Variants in SLC41A3 observed in about 807,000 individuals in gnomAD.
SLC41A3 encodes SLC41A1-like 2.
In SLC41A3, 44 loss-of-function variants were observed where a neutral mutation model predicts 45.4. The ratio of observed to expected loss-of-function variants is 0.97; its 90% CI spans 0.76 to 1.25. SLC41A3 has a LOEUF of 1.25. SLC41A3 is among the 50% of genes most tolerant of loss of function. The pLI, the probability that SLC41A3 is intolerant of heterozygous loss-of-function variation, is 0.00. For missense variants in SLC41A3, 550 were observed against 600.6 expected (o/e 0.92, Z 0.88); for synonymous variants, 256 against 252.4 (o/e 1.01, Z -0.13).
chr3:126,093,456 C>T lies in SLC41A3; in HGVS notation c.-79+7973G>A, dbSNP rs566563471. 6.1e-3 allele frequency among the ~76,000 whole-genome samples: 936 copies of T among 152,348 alleles called. 5 individuals are homozygous for T. Among genetic ancestry groups the T allele is most frequent in the Non-Finnish European group, 9.5e-3 (643 of 68,032 alleles). On this transcript the variant is annotated intron_variant, in intron 1 of 9. Coordinates refer to the SLC41A3 transcript ENST00000508835. Reference sequence around the variant, plus strand: ...ACCCCTGTACAATGTCTTTCCCCTACCACAGCCGGTAGTGCTGCAGTAGAT... The same window carrying T: ...ACCCCTGTACAATGTCTTTCCCCTATCACAGCCGGTAGTGCTGCAGTAGAT...
intron 6 of SLC41A3, among the ~76,000 whole-genome samples, chr3:126,017,145 TCCCAC>T (rs1042956805): frequency 6.6e-6 from 1 of 152,234 alleles, no homozygotes. Flanking sequence ...TTCTGCCTCC[TCCCAC>T]CCTGATGCTA....
chr3:126,019,183 G>C (rs1345269291), intron 6 of SLC41A3, among the ~76,000 whole-genome samples: 10 of 152,166 alleles, frequency 6.6e-5, no homozygotes. Flanking sequence ...CGAGGGAACC[G>C]AGCATGTAGC....
chr3:126,067,740 T>G (rs545961090), intron 2 of SLC41A3, among the ~76,000 whole-genome samples: 1 of 152,288 alleles, frequency 6.6e-6, no homozygotes, highest in Admixed American at 6.5e-5. Context: ...TATGGGCTAA[T>G]AAATTGTCTA....
intron 2 of SLC41A3, among the ~76,000 whole-genome samples, chr3:126,066,031 TC>T (rs1219338765): frequency 6.6e-6 from 1 of 152,034 alleles, no homozygotes; most frequent in African/African-American, 2.4e-5. Flanking sequence ...GCCAATTGCT[TC>T]CCCTGAAATG....
chr3:126,051,878 C>G (rs1400167790), intron 2 of SLC41A3, among the ~76,000 whole-genome samples: 1 of 152,060 alleles, frequency 6.6e-6, no homozygotes, highest in East Asian at 1.9e-4. Flanking sequence ...GAAAGGCGGC[C>G]TGGGATCTAG....
chr3:126,017,869 C>T (rs528113868), intron 6 of SLC41A3, among the ~76,000 whole-genome samples: 13 of 152,308 alleles, frequency 8.5e-5, no homozygotes, highest in East Asian at 5.8e-4. Context: ...GGTAGGAGGG[C>T]GTGGCCTCTG....
chr3:126,012,552 G>A (rs1939824938), intron 9 of SLC41A3, 63 bp downstream of exon 9: 2 of 1,596,528 alleles, frequency 1.3e-6, no homozygotes, highest in African/African-American at 2.7e-5. Flanking sequence ...AGATTCCAAT[G>A]ACACCGATGT....
At chr3:126,032,804 T>C (rs1941900276) in intron 4 of SLC41A3, among the ~76,000 whole-genome samples, 1 of 152,140 alleles carries the variant, frequency 6.6e-6, no homozygotes, top group Non-Finnish European at 1.5e-5. Context: ...GAGTCAGCCC[T>C]GTTCAAGGCT....
intron 2 of SLC41A3, among the ~76,000 whole-genome samples, chr3:126,063,966 C>T (rs1268995393): frequency 7.4e-6 from 1 of 135,982 alleles, no homozygotes; most frequent in African/African-American, 2.7e-5. Flanking sequence ...CCCGGGGACA[C>T]ACACTCCCCA....
At chr3:126,016,920 A>G in intron 6 of SLC41A3, 45 bp from the exon 7 acceptor site, 1 of 1,599,412 alleles carries the variant, frequency 6.3e-7, no homozygotes, top group Non-Finnish European at 8.5e-7. Flanking sequence ...GGCCAAGGCC[A>G]GCACACACAG....
At chr3:126,054,342 C>G (rs1007694320) in intron 2 of SLC41A3, among the ~76,000 whole-genome samples, 3 of 152,184 alleles carry the variant, frequency 2.0e-5, no homozygotes, top group African/African-American at 7.2e-5. Context: ...GCTGCAAAGG[C>G]CCCTGTACCT....
Position 126,097,400 on chromosome 3 carries a change from G to A in SLC41A3, c.-79+4029C>T, listed in dbSNP as rs117001986. 2.1e-3 allele frequency among the ~76,000 whole-genome samples: 320 copies of A among 152,230 alleles called. 1 individual carries two copies. In the East Asian group the frequency reaches 0.03, roughly 14 times the overall value. On this transcript the variant is annotated intron_variant, in intron 1 of 9. Coordinates refer to the SLC41A3 transcript ENST00000508835. ...TACCAGGAAATGGCCTCTCCCTGGC[G>A]CTGTGAAATTAGCATTCTTAGAGAG...
At chr3:126,012,520 G>C (rs1939822127) in intron 9 of SLC41A3, 95 bp downstream of exon 9, 11 of 1,524,030 alleles carry the variant, frequency 7.2e-6, no homozygotes, top group Non-Finnish European at 9.9e-6. Context: ...CCTGGCTTCA[G>C]GCATCCATTG....
In SLC41A3 at chr3:126,006,925, T is replaced by A. The variant is rs574450147; in HGVS notation, c.*91A>T. Reference sequence around the variant, plus strand: ...CTACTGCAGAGGCAGGGGTCAACCATCCCAAGGACCTGGCAAGGGAGAAAC... The same window carrying A: ...CTACTGCAGAGGCAGGGGTCAACCAACCCAAGGACCTGGCAAGGGAGAAAC... On this transcript the variant is annotated 3_prime_UTR_variant, in exon 11 of 11. Transcript: ENST00000360370. 1.1e-5 allele frequency: 18 copies of A among 1,579,820 alleles called. No individual in the cohort carries two copies. The East Asian group carries it at 3.8e-4, about 33-fold the overall frequency.
intron 1 of SLC41A3, chr3:126,070,345 C>T (rs961281413): frequency 6.6e-6 from 1 of 152,230 alleles, no homozygotes; most frequent in Admixed American, 6.5e-5. Context: ...CTCATAGGAG[C>T]TCAAACCGTA....
rs572083372 is a variant in SLC41A3 at position 126,069,976 on chromosome 3, C to T, written c.-27-1730G>A. Among the ~76,000 whole-genome samples, 13 of 151,784 alleles carry T rather than the reference C, an allele frequency of 8.6e-5. No homozygotes were observed. In the South Asian group the frequency reaches 2.1e-3, roughly 24 times the overall value. Reference sequence around the variant, plus strand: ...AATAAAGAAAAAGAAACAGGACCTCCGAGAACTATGGAAGAATATCAAGCA... The same window carrying T: ...AATAAAGAAAAAGAAACAGGACCTCTGAGAACTATGGAAGAATATCAAGCA... On this transcript the variant is annotated intron_variant, in intron 1 of 10. Transcript: ENST00000360370.
chr3:126,040,311 G>A (rs919508117), intron 3 of SLC41A3, among the ~76,000 whole-genome samples: 21 of 152,246 alleles, frequency 1.4e-4, no homozygotes, highest in Admixed American at 7.8e-4. Context: ...TGAGGAGATC[G>A]TTTTTAAAAT....
At chr3:126,038,777 G>A (rs1478527659) in intron 3 of SLC41A3, among the ~76,000 whole-genome samples, 1 of 152,188 alleles carries the variant, frequency 6.6e-6, no homozygotes, top group African/African-American at 2.4e-5. Flanking sequence ...AGAAGAATAA[G>A]ATATTTGGTA....
At chr3:126,051,315 G>T (rs575128679) in intron 2 of SLC41A3, among the ~76,000 whole-genome samples, 3 of 152,366 alleles carry the variant, frequency 2.0e-5, no homozygotes, top group African/African-American at 7.2e-5. Flanking sequence ...CAGCCATGCT[G>T]CATGTGCTCT....
Sources: allele counts gnomAD v4.1 joint callset (sites outside exome capture counted in the v4.1 genomes callset), GRCh38; gene constraint gnomAD v4.1.1; transcripts MANE v1.5; gene names NCBI Gene and HGNC (gene_info 2026-07-23, HGNC 2026-07-21).